STXBP6: variants seen among roughly 807,000 people sequenced by gnomAD.
STXBP6 encodes the protein syntaxin-binding protein 6.
In STXBP6, 21 loss-of-function variants were observed where a neutral mutation model predicts 26.9. The observed-to-expected ratio is 0.78, with a 90% CI of 0.55 to 1.12. STXBP6 has a LOEUF of 1.12. STXBP6 is among the 50% of genes most tolerant of loss of function. The pLI is 0.00. For missense variants in STXBP6, 232 were observed against 257.9 expected, an observed-to-expected ratio of 0.90 and a Z score of 0.69; for synonymous variants, 97 against 92.6, an observed-to-expected ratio of 1.05 and a Z score of -0.27.
chr14:25,017,704 G>A (rs2075179460), intron 1 of STXBP6, among the ~76,000 whole-genome samples: 1 of 152,196 alleles, frequency 6.6e-6, no homozygotes, highest in Admixed American at 6.5e-5. Context: ...AAGAGCAGGA[G>A]TGCTTTCAAG....
intron 4 of STXBP6, among the ~76,000 whole-genome samples, chr14:24,829,917 A>G (rs1031672061): frequency 6.6e-6 from 1 of 152,142 alleles, no homozygotes; most frequent in Non-Finnish European, 1.5e-5. Flanking sequence ...CTGAAACACA[A>G]TAATTTTCCA....
chr14:24,965,693 A>T (rs967927798), intron 2 of STXBP6, among the ~76,000 whole-genome samples: 1 of 152,214 alleles, frequency 6.6e-6, no homozygotes, highest in Non-Finnish European at 1.5e-5. Context: ...TTTCAAAGAC[A>T]TGAAGAGCTA....
At chr14:25,036,615 G>A (rs1469606897) in intron 1 of STXBP6, among the ~76,000 whole-genome samples, 2 of 152,158 alleles carry the variant, frequency 1.3e-5, no homozygotes, top group Admixed American at 6.5e-5. Context: ...AGCACTCTGG[G>A]AGGCTGAGGC....
At chr14:24,988,139 G>T (rs1026660104) in intron 1 of STXBP6, among the ~76,000 whole-genome samples, 3 of 152,192 alleles carry the variant, frequency 2.0e-5, no homozygotes, top group Non-Finnish European at 4.4e-5. Flanking sequence ...ATAATGCGGG[G>T]CCAAAGTGCT....
chr14:24,951,439 C>T (rs2073167112), intron 2 of STXBP6, among the ~76,000 whole-genome samples: 1 of 152,128 alleles, frequency 6.6e-6, no homozygotes, highest in Non-Finnish European at 1.5e-5. Context: ...GATGGCATCT[C>T]ATTGTGGTTT....
chr14:24,981,827 T>C (rs1367375651), intron 1 of STXBP6, among the ~76,000 whole-genome samples: 1 of 152,178 alleles, frequency 6.6e-6, no homozygotes, highest in African/African-American at 2.4e-5. Flanking sequence ...ATTGGTTAAA[T>C]ACAGTATAGC....
At chr14:25,020,319 T>C (rs1168600079) in intron 1 of STXBP6, among the ~76,000 whole-genome samples, 1 of 152,204 alleles carries the variant, frequency 6.6e-6, no homozygotes, top group African/African-American at 2.4e-5. Context: ...TTTTTTCTGA[T>C]AAAATATCAC....
chr14:24,846,451 C>T (rs2068964711), intron 4 of STXBP6, among the ~76,000 whole-genome samples: 1 of 152,100 alleles, frequency 6.6e-6, no homozygotes, highest in Admixed American at 6.6e-5. Context: ...CCCTTATAAT[C>T]GTTTGGCCAC....
intron 4 of STXBP6, among the ~76,000 whole-genome samples, chr14:24,854,370 TGAA>T (rs1440754504): frequency 6.6e-6 from 1 of 152,050 alleles, no homozygotes; most frequent in Non-Finnish European, 1.5e-5. Context: ...GGACGGAACA[TGAA>T]GAAGTGCAAT....
At chr14:24,941,573 T>C (rs2072804339) in intron 2 of STXBP6, among the ~76,000 whole-genome samples, 1 of 152,124 alleles carries the variant, frequency 6.6e-6, no homozygotes. Flanking sequence ...GGAGGTTGAA[T>C]AGTAAAGAAG....
chr14:25,034,247 A>G (rs1280554536), intron 1 of STXBP6, among the ~76,000 whole-genome samples: 1 of 152,142 alleles, frequency 6.6e-6, no homozygotes, highest in Non-Finnish European at 1.5e-5. Context: ...CTTGACCCCT[A>G]ACACCCCCAC....
intron 2 of STXBP6, among the ~76,000 whole-genome samples, chr14:24,949,251 A>G (rs1330880234): frequency 6.6e-6 from 1 of 152,242 alleles, no homozygotes; most frequent in Admixed American, 6.5e-5. Flanking sequence ...GAAGTGTAAA[A>G]TGCCTGAGCC....
In STXBP6 at chr14:24,944,142, C is replaced by T. The variant is rs185007333; in HGVS notation, c.154+30523G>A. 4.0e-3 allele frequency among the ~76,000 whole-genome samples: 612 copies of T among 152,246 alleles called. 2 individuals are homozygous for T. The highest frequency in any genetic ancestry group is 0.014 in the African/African-American group (576 of 41,526). On this transcript the variant is annotated intron_variant, in intron 2 of 5. Coordinates refer to ENST00000323944, the MANE Select transcript of STXBP6 (RefSeq NM_001394410.1). ...AAAAGCTATCACTTCAAGGAACCAA[C>T]GAGTGAAAACAGGTTGACAATTCAT... is the stretch of plus-strand genomic sequence containing the variant.
intron 1 of STXBP6, among the ~76,000 whole-genome samples, chr14:25,034,137 C>T (rs1275979091): frequency 1.3e-5 from 2 of 152,238 alleles, no homozygotes; most frequent in African/African-American, 4.8e-5. Context: ...TGTATGTTTG[C>T]TTTTGATAAA....
chr14:24,935,070 C>T (rs904202553), intron 2 of STXBP6, among the ~76,000 whole-genome samples: 10 of 152,112 alleles, frequency 6.6e-5, no homozygotes, highest in African/African-American at 2.4e-4. Flanking sequence ...GACTGATCTT[C>T]CCACAGAGAA....
chr14:24,902,181 C>T (rs749663492), intron 2 of STXBP6, among the ~76,000 whole-genome samples: 1 of 152,064 alleles, frequency 6.6e-6, no homozygotes, highest in Non-Finnish European at 1.5e-5. Context: ...GATTTAGCTA[C>T]AAGAATAGTC....
chr14:25,027,558 G>A (rs886395645), intron 1 of STXBP6, among the ~76,000 whole-genome samples: 1 of 152,118 alleles, frequency 6.6e-6, no homozygotes, highest in African/African-American at 2.4e-5. Context: ...CCATGCCCCT[G>A]CCTCAGGCCT....
At chr14:24,958,411 G>C (rs1477378887) in intron 2 of STXBP6, among the ~76,000 whole-genome samples, 5 of 152,064 alleles carry the variant, frequency 3.3e-5, no homozygotes, top group African/African-American at 1.2e-4. Flanking sequence ...GACTCAAAGA[G>C]CTCATTTTAT....
At chr14:24,836,368 GAGCGGACC>G (rs1257747595) in intron 4 of STXBP6, among the ~76,000 whole-genome samples, 1 of 151,978 alleles carries the variant, frequency 6.6e-6, no homozygotes, top group African/African-American at 2.4e-5. Flanking sequence ...AGGTCGAGGC[GAGCGGACC>G]ACCTGAGGTT....
Sources: allele counts gnomAD v4.1 joint callset (sites outside exome capture counted in the v4.1 genomes callset), GRCh38; gene constraint gnomAD v4.1.1; transcripts MANE v1.5; gene names NCBI Gene and HGNC (gene_info 2026-07-23, HGNC 2026-07-21).